Variants in SNAP25 observed in about 807,000 individuals in gnomAD.
SNAP25 encodes the protein synaptosome associated protein 25, also known as synaptosomal-associated protein 25.
In SNAP25, 3 loss-of-function variants were observed where a neutral mutation model predicts 28.7. The observed-to-expected ratio is 0.10, with a 90% CI of 0.05 to 0.27. SNAP25 has a LOEUF of 0.27. SNAP25 is among the 10% of genes least tolerant of loss of function. The pLI, the probability that SNAP25 is intolerant of heterozygous loss-of-function variation, is 1.00. For missense variants in SNAP25, 117 were observed against 278.7 expected, an observed-to-expected ratio of 0.42 and a Z score of 4.13; for synonymous variants, 61 against 88.1, an observed-to-expected ratio of 0.69 and a Z score of 1.72.
At chr20:10,301,793 A>T (rs2064242954) in intron 7 of SNAP25, among the ~76,000 whole-genome samples, 1 of 149,982 alleles carries the variant, frequency 6.7e-6, no homozygotes, top group Non-Finnish European at 1.5e-5. Context: ...TTATTTAAAA[A>T]TCTCGTTTTC....
At chr20:10,304,005 T>C (rs2064298486) in intron 7 of SNAP25, among the ~76,000 whole-genome samples, 1 of 152,220 alleles carries the variant, frequency 6.6e-6, no homozygotes, top group South Asian at 2.1e-4. Flanking sequence ...CAAGTTCTCA[T>C]ACGGTAACAA....
At chr20:10,261,661 T>G (rs2063416160) in intron 1 of SNAP25, among the ~76,000 whole-genome samples, 1 of 152,164 alleles carries the variant, frequency 6.6e-6, no homozygotes, top group Non-Finnish European at 1.5e-5. Flanking sequence ...TTTATAGATA[T>G]TATTACTTAG....
chr20:10,301,950 A>G (rs2064251015), intron 7 of SNAP25, among the ~76,000 whole-genome samples: 1 of 149,452 alleles, frequency 6.7e-6, no homozygotes, highest in Non-Finnish European at 1.5e-5. Flanking sequence ...CCATATATAG[A>G]TATACCTTCT....
intron 6 of SNAP25, among the ~76,000 whole-genome samples, chr20:10,297,271 T>C (rs1600785579): frequency 6.6e-6 from 1 of 152,220 alleles, no homozygotes; most frequent in African/African-American, 2.4e-5. Flanking sequence ...TGGTGGGGCA[T>C]GTCTGTTCTT....
intron 1 of SNAP25, among the ~76,000 whole-genome samples, chr20:10,250,088 C>T (rs977856098): frequency 6.6e-6 from 1 of 152,152 alleles, no homozygotes; most frequent in African/African-American, 2.4e-5. Flanking sequence ...TTAGCAACAT[C>T]CTTCTTAAAG....
At chr20:10,241,630 T>C (rs566233087) in intron 1 of SNAP25, among the ~76,000 whole-genome samples, 1 of 151,952 alleles carries the variant, frequency 6.6e-6, no homozygotes, top group Admixed American at 6.5e-5. Flanking sequence ...AAGGAGGAGA[T>C]GTTTATGCTG....
chr20:10,252,791 A>G (rs893068007), intron 1 of SNAP25, among the ~76,000 whole-genome samples: 10 of 149,250 alleles, frequency 6.7e-5, no homozygotes, highest in Non-Finnish European at 1.0e-4. Context: ...CAAGCTTTAG[A>G]TAATTTTTCT....
chr20:10,296,815 C>T (rs565349946), intron 5 of SNAP25, 110 bp from the exon 6 acceptor site: 73 of 1,528,524 alleles, frequency 4.8e-5, no homozygotes, highest in African/African-American at 2.1e-4. Context: ...TCTAATGCCT[C>T]GACTTAAAAC....
At chr20:10,224,257 C>CTTTTTGTTTTTT in intron 1 of SNAP25, among the ~76,000 whole-genome samples, 1 of 17,420 alleles carries the variant, frequency 5.7e-5, no homozygotes, top group African/African-American at 2.7e-4. Flanking sequence ...ATGTACATGT[C>CTTTTTGTTTTTT]TTTTTTTTTT....
At chr20:10,244,877 C>T (rs911859577) in intron 1 of SNAP25, among the ~76,000 whole-genome samples, 20 of 151,944 alleles carry the variant, frequency 1.3e-4, no homozygotes, top group Middle Eastern at 6.8e-3. Flanking sequence ...ATTACAGGCA[C>T]GCGCCACCAA....
At chr20:10,264,618 T>C (rs2063475325) in intron 1 of SNAP25, among the ~76,000 whole-genome samples, 1 of 152,214 alleles carries the variant, frequency 6.6e-6, no homozygotes, top group African/African-American at 2.4e-5. Flanking sequence ...TCCTCAATGC[T>C]GGGGAGCCGC....
At chr20:10,229,565 A>G (rs938500438) in intron 1 of SNAP25, among the ~76,000 whole-genome samples, 5 of 152,188 alleles carry the variant, frequency 3.3e-5, no homozygotes, top group African/African-American at 9.7e-5. Flanking sequence ...ATATAAAGCA[A>G]TGACTTCAAA....
At chr20:10,221,794 T>C (rs1340783470) in intron 1 of SNAP25, among the ~76,000 whole-genome samples, 1 of 152,264 alleles carries the variant, frequency 6.6e-6, no homozygotes, top group Non-Finnish European at 1.5e-5. Context: ...CTGAAAGACA[T>C]GTTTCTGCCA....
intron 1 of SNAP25, among the ~76,000 whole-genome samples, chr20:10,221,563 G>A (rs368475200): frequency 3.3e-5 from 5 of 152,102 alleles, no homozygotes; most frequent in Non-Finnish European, 7.4e-5. Context: ...TTTGTTCATC[G>A]GCATTTACTG....
chr20:10,291,221 A>C (rs1191754257), intron 4 of SNAP25, among the ~76,000 whole-genome samples: 3 of 152,048 alleles, frequency 2.0e-5, no homozygotes, highest in Admixed American at 1.3e-4. Flanking sequence ...TTACAGGCGC[A>C]TGCCACCACG....
At chr20:10,253,397 C>T (rs970898383) in intron 1 of SNAP25, among the ~76,000 whole-genome samples, 1 of 152,146 alleles carries the variant, frequency 6.6e-6, no homozygotes, top group Non-Finnish European at 1.5e-5. Context: ...CTGATTCTGC[C>T]ACTTACTAGC....
intron 1 of SNAP25, among the ~76,000 whole-genome samples, chr20:10,268,647 C>T (rs75866577): frequency 3.2e-3 from 485 of 152,268 alleles, no homozygotes; most frequent in African/African-American, 0.011. Context: ...TCAGCAGGAA[C>T]GCATTTTTAC....
At chr20:10,225,874 T>C (rs1031674340) in intron 1 of SNAP25, among the ~76,000 whole-genome samples, 13 of 152,088 alleles carry the variant, frequency 8.5e-5, no homozygotes, top group Non-Finnish European at 1.9e-4. Flanking sequence ...TGTCCTTTAC[T>C]GATAACAGCA....
intron 1 of SNAP25, among the ~76,000 whole-genome samples, chr20:10,230,060 C>T (rs1231399117): frequency 6.6e-6 from 1 of 152,086 alleles, no homozygotes; most frequent in African/African-American, 2.4e-5. Flanking sequence ...GAACCAAAGG[C>T]CCTTCTCTCC....
Sources: gnomAD v4.1 joint callset for allele counts (sites outside exome capture counted in the v4.1 genomes callset) on GRCh38, gnomAD v4.1.1 for gene constraint, MANE v1.5 for transcripts, NCBI Gene and HGNC (gene_info 2026-07-23, HGNC 2026-07-21) for gene names.